Variants in AGMO observed in about 807,000 individuals in gnomAD.
AGMO encodes glyceryl-ether monooxygenase.
A neutral mutation model predicts 60.2 loss-of-function variants in AGMO; 75 were observed. The observed-to-expected ratio is 1.25, with a 90% CI of 1.03 to 1.51. The LOEUF (loss-of-function observed/expected upper bound fraction) is 1.51, where lower values mean the gene tolerates loss of function less well. Among genes scored for constraint, AGMO ranks in the 40% most tolerant of loss-of-function variants. The pLI is 0.00. For synonymous variants in AGMO, 261 were observed against 177.1 expected, an observed-to-expected ratio of 1.47 and a Z score of -3.76; for missense variants, 763 against 525.5, an observed-to-expected ratio of 1.45 and a Z score of -4.42.
intron 3 of AGMO, among the ~76,000 whole-genome samples, chr7:15,502,147 A>G (rs188386063): frequency 1.3e-5 from 2 of 152,134 alleles, no homozygotes; most frequent in East Asian, 3.9e-4. Context: ...AAATTATCTC[A>G]GTGTTCTATG....
At chr7:15,559,859 C>T (rs761879242) in intron 2 of AGMO, among the ~76,000 whole-genome samples, 3 of 151,890 alleles carry the variant, frequency 2.0e-5, no homozygotes, top group Non-Finnish European at 4.4e-5. Context: ...TAATAGAGAA[C>T]CAGACCATAA....
intron 5 of AGMO, 74 bp from the exon 6 acceptor site, chr7:15,394,253 A>T (rs1025329692): frequency 9.1e-7 from 1 of 1,099,796 alleles, no homozygotes; most frequent in Non-Finnish European, 1.4e-6. Flanking sequence ...TGCTCACATT[A>T]GAAACTCACA....
chr7:15,411,685 T>A (rs1780613544), intron 5 of AGMO, among the ~76,000 whole-genome samples: 1 of 152,026 alleles, frequency 6.6e-6, no homozygotes, highest in Admixed American at 6.6e-5. Flanking sequence ...AGATTAATAA[T>A]TCCAATACAT....
the AGMO span, among the ~76,000 whole-genome samples, chr7:15,193,362 A>C: frequency 7.9e-5 from 12 of 152,332 alleles, no homozygotes; most frequent in African/African-American, 2.9e-4. Context: ...AAAATTTATC[A>C]AGTAATTTGT....
intron 3 of AGMO, among the ~76,000 whole-genome samples, chr7:15,507,404 T>C (rs963290799): frequency 6.6e-6 from 1 of 152,054 alleles, no homozygotes. Flanking sequence ...TTGAATCTTA[T>C]CCAGCCTCTA....
chr7:15,185,123 GT>G, the AGMO span, among the ~76,000 whole-genome samples: 2 of 151,970 alleles, frequency 1.3e-5, no homozygotes, highest in African/African-American at 4.8e-5. Context: ...ATTTAGGGAA[GT>G]TTTTTTATAT....
At chr7:15,355,538 T>C (rs1782496912) in intron 12 of AGMO, among the ~76,000 whole-genome samples, 1 of 148,526 alleles carries the variant, frequency 6.7e-6, no homozygotes. Context: ...GGTAAGATCA[T>C]GGAATTAATT....
Position 15,299,663 on chromosome 7 carries a change from T to G in AGMO, c.1263+65851A>C, listed in dbSNP as rs10239417. 7.5e-3 allele frequency among the ~76,000 whole-genome samples: 1,146 copies of G among 152,088 alleles called. 8 individuals are homozygous for G. Among genetic ancestry groups the G allele is most frequent in the African/African-American group, 0.026 (1,076 of 41,476 alleles). On this transcript the variant is annotated intron_variant, in intron 12 of 12. Transcript: ENST00000342526. ...CAACACGGTGAAACCCAGTCTCTAC[T>G]AAAATACAAAAGATATTAGCTGGGT...
chr7:15,493,584 C>G (rs1419484852), intron 3 of AGMO, among the ~76,000 whole-genome samples: 1 of 151,500 alleles, frequency 6.6e-6, no homozygotes, highest in African/African-American at 2.4e-5. Context: ...ACTGTGTTAG[C>G]CAGGATGGTC....
In AGMO at chr7:15,345,954, T is replaced by C. The variant is rs537190693; in HGVS notation, c.1263+19560A>G. 3.3e-4 allele frequency among the ~76,000 whole-genome samples: 51 copies of C among 152,278 alleles called. 1 individual carries two copies. The highest frequency in any genetic ancestry group is 1.2e-3 in the African/African-American group (49 of 41,566). On this transcript the variant is annotated intron_variant, in intron 12 of 12. Coordinates refer to ENST00000342526, the MANE Select transcript of AGMO (RefSeq NM_001004320.2). ...TGAGGGAAATGAAACATCAATGTTT[T>C]AATTCCAATATATTAACTCTTATTA...
At chr7:15,387,662 T>G in intron 8 of AGMO, 122 bp from the exon 9 acceptor site, 1 of 804,910 alleles carries the variant, frequency 1.2e-6, no homozygotes. Flanking sequence ...TTATGCCTGA[T>G]TAGAGCAACA....
chr7:15,178,103 C>A, the AGMO span, among the ~76,000 whole-genome samples: 1 of 152,148 alleles, frequency 6.6e-6, no homozygotes, highest in African/African-American at 2.4e-5. Flanking sequence ...TTAGCGTTAT[C>A]CTGGGACATC....
chr7:15,447,370 A>G (rs773396730), intron 3 of AGMO, among the ~76,000 whole-genome samples: 1 of 152,186 alleles, frequency 6.6e-6, no homozygotes, highest in Non-Finnish European at 1.5e-5. Flanking sequence ...GAATAGAGCA[A>G]TAGGAATGAA....
At chr7:15,204,555 G>C (rs868565301) in intron 12 of AGMO, among the ~76,000 whole-genome samples, 1 of 152,272 alleles carries the variant, frequency 6.6e-6, no homozygotes, top group African/African-American at 2.4e-5. Context: ...TTCTAGGCAA[G>C]TCCCATGATT....
chr7:15,501,179 C>T (rs1275832773), intron 3 of AGMO, among the ~76,000 whole-genome samples: 1 of 151,884 alleles, frequency 6.6e-6, no homozygotes, highest in Non-Finnish European at 1.5e-5. Context: ...CTGGAGCGTT[C>T]CATAAATGTC....
chr7:15,327,214 T>G (rs1207128630), intron 12 of AGMO, among the ~76,000 whole-genome samples: 1 of 152,150 alleles, frequency 6.6e-6, no homozygotes, highest in Non-Finnish European at 1.5e-5. Flanking sequence ...TTTGGACTCA[T>G]CTACTACACC....
intron 9 of AGMO, among the ~76,000 whole-genome samples, chr7:15,386,206 A>G (rs536540138): frequency 7.1e-6 from 1 of 141,348 alleles, no homozygotes; most frequent in Admixed American, 7.1e-5. Flanking sequence ...AAAAAAGGTG[A>G]TCTTGGCAGT....
chr7:15,272,273 TC>T (rs1056994713), intron 12 of AGMO, among the ~76,000 whole-genome samples: 4 of 88,646 alleles, frequency 4.5e-5, no homozygotes, highest in African/African-American at 1.3e-4. Context: ...ATGCTATCCC[TC>T]CCCCCTCCCC....
chr7:15,361,348 G>C (rs906829461), intron 12 of AGMO, among the ~76,000 whole-genome samples: 21 of 151,608 alleles, frequency 1.4e-4, no homozygotes, highest in African/African-American at 4.8e-4. Flanking sequence ...GACCATCCTG[G>C]CTAACATGGT....
Sources: allele counts gnomAD v4.1 joint callset (sites outside exome capture counted in the v4.1 genomes callset), GRCh38; gene constraint gnomAD v4.1.1; transcripts MANE v1.5; gene names NCBI Gene and HGNC (gene_info 2026-07-23, HGNC 2026-07-21).